The following RIMKLB variants were observed in gnomAD, a reference collection of about 807,000 sequenced individuals.
The protein encoded by RIMKLB is beta-citrylglutamate synthase B.
A neutral mutation model predicts 32.0 loss-of-function variants in RIMKLB; 7 were observed. The observed-to-expected ratio is 0.22, with a 90% CI of 0.12 to 0.41. The LOEUF is 0.41. Among genes scored for constraint, RIMKLB ranks in the 10% least tolerant of loss-of-function variants. The pLI is 1.00. For missense variants in RIMKLB, 289 were observed against 498.7 expected (o/e 0.58, Z 4.00); for synonymous variants, 172 against 185.1 (o/e 0.93, Z 0.57).
chr12:8,722,266 A>G (rs949820240), intron 2 of RIMKLB, among the ~76,000 whole-genome samples: 12 of 151,930 alleles, frequency 7.9e-5, no homozygotes, highest in African/African-American at 2.9e-4. Flanking sequence ...TGCAGAGTCC[A>G]TGTTGTGTTA....
At chr12:8,708,858 G>C (rs1252324346) in intron 1 of RIMKLB, among the ~76,000 whole-genome samples, 1 of 152,084 alleles carries the variant, frequency 6.6e-6, no homozygotes, top group African/African-American at 2.4e-5. Context: ...AAGTTTGTGT[G>C]GGAAAACTCT....
At chr12:8,677,967 G>A (rs1219654960), upstream of RIMKLB, among the ~76,000 whole-genome samples, 2 of 150,404 alleles carry the variant, frequency 1.3e-5, no homozygotes, top group African/African-American at 2.4e-5. Context: ...TATTTTTGTA[G>A]AGACAGCATC....
intron 5 of RIMKLB, among the ~76,000 whole-genome samples, chr12:8,761,260 AG>A: frequency 7.9e-6 from 1 of 125,854 alleles, no homozygotes; most frequent in Non-Finnish European, 1.6e-5. Context: ...CGAGAGGGTG[AG>A]GGGGAGATAG....
At chr12:8,755,196 C>G (rs1948918777) in intron 5 of RIMKLB, among the ~76,000 whole-genome samples, 3 of 152,158 alleles carry the variant, frequency 2.0e-5, no homozygotes, top group South Asian at 2.1e-4. Context: ...GGTGATATGC[C>G]TGCCTCGGCC....
the RIMKLB span, among the ~76,000 whole-genome samples, chr12:8,671,327 C>T: frequency 1.2e-4 from 18 of 152,024 alleles, no homozygotes; most frequent in African/African-American, 2.2e-4. Context: ...CTCAGCTCAC[C>T]GCAAATTCTG....
At chr12:8,673,345 C>T in the RIMKLB span, among the ~76,000 whole-genome samples, 2 of 152,126 alleles carry the variant, frequency 1.3e-5, no homozygotes, top group African/African-American at 2.4e-5. Flanking sequence ...GAGCATTCTC[C>T]TCAACTCCCT....
the RIMKLB span, among the ~76,000 whole-genome samples, chr12:8,671,272 T>G: frequency 1.3e-5 from 2 of 151,838 alleles, no homozygotes; most frequent in African/African-American, 4.8e-5. Context: ...TTTTTTTATA[T>G]GGAATTTCGC....
At chr12:8,758,883 AT>A (rs1437467641) in intron 5 of RIMKLB, among the ~76,000 whole-genome samples, 2 of 152,296 alleles carry the variant, frequency 1.3e-5, no homozygotes, top group South Asian at 2.1e-4. Context: ...TTATGTATGA[AT>A]ACCAGTCTTT....
chr12:8,731,768 G>A (rs1333725814), intron 2 of RIMKLB, among the ~76,000 whole-genome samples: 4 of 151,762 alleles, frequency 2.6e-5, no homozygotes, highest in East Asian at 1.9e-4. Flanking sequence ...GGATACCTGC[G>A]GATTTTTTTT....
chr12:8,683,949 TG>T (rs1942490573), intron 1 of RIMKLB, among the ~76,000 whole-genome samples: 2 of 151,952 alleles, frequency 1.3e-5, no homozygotes, highest in African/African-American at 4.8e-5. Context: ...AGTTTCACCA[TG>T]TTGGCCAGGC....
chr12:8,733,849 A>G lies in RIMKLB; in HGVS notation c.176-16013A>G, dbSNP rs144408686. On this transcript the variant is annotated intron_variant, in intron 2 of 5. Transcript: ENST00000535829. ...AAGTGAGCTATGACCATTGCACTCTAGCCTGGGTGACACAGTGAGACCCTG... is the reference window on the plus strand; with the variant it reads ...AAGTGAGCTATGACCATTGCACTCTGGCCTGGGTGACACAGTGAGACCCTG... Among the ~76,000 whole-genome samples, 357 of 152,340 alleles carry G rather than the reference A, an allele frequency of 2.3e-3. 4 individuals carry two copies. Among genetic ancestry groups the G allele is most frequent in the African/African-American group, 8.3e-3 (345 of 41,590 alleles).
chr12:8,776,265 G>C lies in RIMKLB; in HGVS notation c.*2481G>C, dbSNP rs182881427. On this transcript the variant is annotated 3_prime_UTR_variant, in exon 6 of 6. Transcript: ENST00000535829. The stretch of plus-strand genomic sequence containing the variant: ...TTATGCATTCACATGATATTAAAAC[G>C]TACACTCACATGTTAGAATGAAAAG... 5.1e-6 allele frequency: 5 copies of C among 977,228 alleles called. No homozygotes were observed. Among genetic ancestry groups the C allele is most frequent in the Non-Finnish European group, 6.1e-6 (5 of 822,624 alleles). 60.5% of individuals were successfully genotyped at this position (977,228 alleles called of 1,614,324 possible).
downstream of RIMKLB, chr12:8,779,122 CT>C (rs936857259): frequency 1.3e-5 from 2 of 152,154 alleles, no homozygotes; most frequent in Admixed American, 1.3e-4. Context: ...TCAGGAGAGC[CT>C]TGTACTCAGC....
At chr12:8,688,771 C>G (rs770632433) in intron 1 of RIMKLB, among the ~76,000 whole-genome samples, 1 of 151,572 alleles carries the variant, frequency 6.6e-6, no homozygotes, top group Admixed American at 6.6e-5. Flanking sequence ...ATTAATTGAA[C>G]AGGATTAGAG....
chr12:8,761,017 C>A (rs912282574), intron 5 of RIMKLB, among the ~76,000 whole-genome samples: 1 of 151,986 alleles, frequency 6.6e-6, no homozygotes, highest in Non-Finnish European at 1.5e-5. Context: ...CCTTTAATTT[C>A]TTGGTGTGAT....
chr12:8,736,955 G>T (rs1268200001), intron 2 of RIMKLB, among the ~76,000 whole-genome samples: 1 of 152,002 alleles, frequency 6.6e-6, no homozygotes, highest in Non-Finnish European at 1.5e-5. Flanking sequence ...GGGATTACAG[G>T]CATGTGCCAC....
At chr12:8,737,558 A>G (rs1012922025) in intron 2 of RIMKLB, among the ~76,000 whole-genome samples, 2 of 152,100 alleles carry the variant, frequency 1.3e-5, no homozygotes, top group African/African-American at 2.4e-5. Context: ...TAAATATCCT[A>G]TTTTTATATC....
chr12:8,723,804 C>CTTTTTTTTT lies in RIMKLB; in HGVS notation c.175+9779_175+9787dup, dbSNP rs35269536. ...ATTCTCATAGGCTTTCTTCAGTTCC[C>CTTTTTTTTT]TTTTTTTTTTTTTTTTTTTTTTTTG... is the stretch of plus-strand genomic sequence containing the variant. On this transcript the variant is annotated intron_variant, in intron 2 of 5. Transcript: ENST00000535829. Among the ~76,000 whole-genome samples, 49 of 75,520 alleles carry CTTTTTTTTT rather than the reference C, an allele frequency of 6.5e-4. 1 individual carries two copies. Among genetic ancestry groups the CTTTTTTTTT allele is most frequent in the African/African-American group, 1.7e-3 (32 of 18,884 alleles). 49.5% of individuals were successfully genotyped at this position (75,520 alleles called of 152,430 possible). A position where few individuals can be genotyped will look rare whatever the true frequency, so the allele number is the denominator to read the frequency against.
In RIMKLB at chr12:8,776,562, A is replaced by G. The variant is rs1373987096; in HGVS notation, c.*2778A>G. On this transcript the variant is annotated 3_prime_UTR_variant, in exon 6 of 6. Transcript: ENST00000535829. ...TGTTAAAATTGTAATTCTAAATTGTATTTCAAAAATGATTATTTCTGATAT... is the reference window on the plus strand; with the variant it reads ...TGTTAAAATTGTAATTCTAAATTGTGTTTCAAAAATGATTATTTCTGATAT... 4.9e-6 allele frequency: 4 copies of G among 819,650 alleles called. No homozygotes were observed. The highest frequency in any genetic ancestry group is 5.9e-6 in the Non-Finnish European group (4 of 679,140). The allele number at this position is 819,650 out of a possible 1,614,324, so 50.8% of individuals were successfully genotyped here.
Sources: gnomAD v4.1 joint callset for allele counts (sites outside exome capture counted in the v4.1 genomes callset) on GRCh38, gnomAD v4.1.1 for gene constraint, MANE v1.5 for transcripts, NCBI Gene and HGNC (gene_info 2026-07-23, HGNC 2026-07-21) for gene names.